CERK: variants seen among roughly 807,000 people sequenced by gnomAD.
The protein encoded by CERK is acylsphingosine kinase.
Under a neutral mutation model 63.4 loss-of-function variants are expected in CERK, and 39 were observed. The ratio of observed to expected loss-of-function variants is 0.61; its 90% CI spans 0.48 to 0.80. The LOEUF is 0.80. CERK is among the 30% of genes least tolerant of loss of function. The pLI is 0.00. For synonymous variants in CERK, 302 were observed against 280.0 expected (o/e 1.08, Z -0.78); for missense variants, 670 against 714.1 (o/e 0.94, Z 0.70).
At chr22:46,726,591 T>G (rs2082919391) in intron 1 of CERK, among the ~76,000 whole-genome samples, 1 of 152,154 alleles carries the variant, frequency 6.6e-6, no homozygotes, top group Non-Finnish European at 1.5e-5. Context: ...CAAACGCATT[T>G]CCCTGGCAAC....
chr22:46,700,167 G>A (rs1168319636), intron 7 of CERK, among the ~76,000 whole-genome samples: 4 of 152,160 alleles, frequency 2.6e-5, no homozygotes, highest in Non-Finnish European at 5.9e-5. Flanking sequence ...GCTGAGGTGG[G>A]TGGATCACCT....
At chr22:46,709,284 C>T (rs1007237303) in intron 5 of CERK, among the ~76,000 whole-genome samples, 3 of 152,176 alleles carry the variant, frequency 2.0e-5, no homozygotes, top group African/African-American at 4.8e-5. Context: ...CCTCAAGAGG[C>T]GAGGCTGATC....
At chr22:46,731,942 C>G (rs2082947289) in intron 1 of CERK, among the ~76,000 whole-genome samples, 1 of 152,120 alleles carries the variant, frequency 6.6e-6, no homozygotes, top group Non-Finnish European at 1.5e-5. Flanking sequence ...TCCCCATCAT[C>G]CAGGGTTCAG....
intron 1 of CERK, among the ~76,000 whole-genome samples, chr22:46,732,091 G>C (rs738726): frequency 0.46 from 70,044 of 152,134 alleles, 18,947 homozygotes; most frequent in Non-Finnish European, 0.6. Flanking sequence ...AAGGAGAGAA[G>C]AGGTATGGGA....
intron 6 of CERK, among the ~76,000 whole-genome samples, chr22:46,703,961 C>A (rs1451023404): frequency 2.6e-5 from 4 of 152,140 alleles, no homozygotes; most frequent in African/African-American, 9.7e-5. Context: ...GGCCCCTCAC[C>A]TGTCACCTCT....
At chr22:46,698,437 G>C (rs1367333352) in intron 8 of CERK, among the ~76,000 whole-genome samples, 3 of 152,250 alleles carry the variant, frequency 2.0e-5, no homozygotes, top group African/African-American at 7.2e-5. Flanking sequence ...TGTATGGCTA[G>C]CTACGGTGTA....
intron 1 of CERK, among the ~76,000 whole-genome samples, chr22:46,721,600 G>A (rs1249911924): frequency 1.3e-5 from 2 of 152,156 alleles, no homozygotes; most frequent in African/African-American, 2.4e-5. Flanking sequence ...CAGCAAATGC[G>A]GACCATTCCG....
At chr22:46,700,129 C>A (rs1392551651) in intron 7 of CERK, among the ~76,000 whole-genome samples, 5 of 151,882 alleles carry the variant, frequency 3.3e-5, no homozygotes, top group Admixed American at 1.3e-4. Context: ...GTGGCCCGCG[C>A]CTGTAAGTAA....
chr22:46,711,227 T>A, intron 4 of CERK, 78 bp from the exon 5 acceptor site: 1 of 1,062,334 alleles, frequency 9.4e-7, no homozygotes, highest in Non-Finnish European at 1.5e-6. Flanking sequence ...ATCCATTCTT[T>A]TAAAATGAGT....
intron 8 of CERK, among the ~76,000 whole-genome samples, chr22:46,698,764 G>A (rs368204855): frequency 6.6e-6 from 1 of 151,992 alleles, no homozygotes; most frequent in Non-Finnish European, 1.5e-5. Flanking sequence ...AGCTGGTCAC[G>A]GTGGCATGTG....
chr22:46,731,433 G>A (rs997790326), intron 1 of CERK, among the ~76,000 whole-genome samples: 3 of 152,148 alleles, frequency 2.0e-5, no homozygotes, highest in African/African-American at 4.8e-5. Context: ...CCCTGACTCC[G>A]CTGCCAACAA....
chr22:46,723,977 C>T (rs1036817526), intron 1 of CERK, among the ~76,000 whole-genome samples: 5 of 152,172 alleles, frequency 3.3e-5, no homozygotes, highest in African/African-American at 1.2e-4. Context: ...GGATTACAGG[C>T]ATGAGCCACC....
intron 3 of CERK, 53 bp from the exon 4 acceptor site, chr22:46,712,346 G>A (rs2082845674): frequency 6.4e-7 from 1 of 1,573,036 alleles, no homozygotes; most frequent in South Asian, 1.1e-5. Flanking sequence ...TCAAAACGAA[G>A]AGCTCTGTTA....
intron 8 of CERK, among the ~76,000 whole-genome samples, chr22:46,696,460 AG>A (rs1341474467): frequency 6.6e-6 from 1 of 152,134 alleles, no homozygotes; most frequent in Non-Finnish European, 1.5e-5. Flanking sequence ...TCTCAAGTGC[AG>A]GGGGCAGGGG....
rs1306175327 is a variant in CERK, at chr22:46,712,290, G to A, written c.383C>T (p.Ser128Phe). 7 of 1,612,982 alleles carry A rather than the reference G, an allele frequency of 4.3e-6. No individual in the cohort carries two copies. Among genetic ancestry groups the A allele is most frequent in the Non-Finnish European group, 5.9e-6 (7 of 1,179,592 alleles). ...AAATACCAGTAAATGCTTTGGTCTG[G>A]ACGCTGTAAGACAACAACATGTAAA... ...TLREMLEKLT[S>F]RPKHLLVFIN... Residue 128 changes from serine (S) to phenylalanine (F), a missense_variant, in exon 4 of 13, where the codon TCC becomes TTC. Transcript: ENST00000216264.
At chr22:46,735,285 C>T (rs900099933) in intron 1 of CERK, 10 of 152,264 alleles carry the variant, frequency 6.6e-5, no homozygotes, top group African/African-American at 2.4e-4. Context: ...CACTTGCTGT[C>T]GCGGCTTCCT....
chr22:46,707,947 A>G lies in CERK; in HGVS notation c.611T>C (p.Leu204Pro), dbSNP rs2082821826. Residue 204 changes from leucine to proline, a missense_variant, in exon 6 of 13, where the codon CTG (leucine) becomes CCG (proline). Coordinates refer to ENST00000216264, the MANE Select transcript of CERK (RefSeq NM_022766.6). ...CTGCGTCCTCCCAATCAGACCGTGC[A>G]GCACCTCGCTGAACATACCATCTCC... ...VGGDGMFSEVLHGLIGRTQRS... is the reference protein window; with the variant it reads ...VGGDGMFSEVPHGLIGRTQRS... 1 of 1,613,650 alleles carries G rather than the reference A, an allele frequency of 6.2e-7. No individual in the cohort carries two copies. The highest frequency in any genetic ancestry group is 1.3e-5 in the African/African-American group (1 of 75,060).
chr22:46,700,747 T>C (rs919672939), intron 7 of CERK, among the ~76,000 whole-genome samples: 2 of 150,688 alleles, frequency 1.3e-5, no homozygotes, highest in East Asian at 2.0e-4. Flanking sequence ...TGCTGTGGCT[T>C]ACGCCTGTAA....
intron 7 of CERK, among the ~76,000 whole-genome samples, 161 bp from the exon 8 acceptor site, chr22:46,699,626 G>A (rs1464362723): frequency 6.6e-6 from 1 of 152,192 alleles, no homozygotes; most frequent in East Asian, 1.9e-4. Flanking sequence ...TTGGGGTGTT[G>A]GATGCCATAT....
Sources: gnomAD v4.1 joint callset for allele counts (sites outside exome capture counted in the v4.1 genomes callset) on GRCh38, gnomAD v4.1.1 for gene constraint, MANE v1.5 for transcripts, NCBI Gene and HGNC (gene_info 2026-07-23, HGNC 2026-07-21) for gene names.